PLCH1: variants seen among roughly 807,000 people sequenced by gnomAD.
PLCH1 encodes the protein phospholipase C eta 1, also known as 1-phosphatidylinositol 4,5-bisphosphate phosphodiesterase eta-1.
Under a neutral mutation model 126.7 loss-of-function variants are expected in PLCH1, and 60 were observed. That is an observed-to-expected ratio of 0.47 (90% CI 0.38 to 0.59). The LOEUF is 0.59. PLCH1 is among the 20% of genes least tolerant of loss of function. The pLI is 0.00. For synonymous variants in PLCH1, 719 were observed against 734.9 expected, an observed-to-expected ratio of 0.98 and a Z score of 0.35; for missense variants, 1,723 against 2,040.0, an observed-to-expected ratio of 0.84 and a Z score of 2.99.
At chr3:155,649,547 C>T (rs144764116) in intron 2 of PLCH1, among the ~76,000 whole-genome samples, 1,659 of 152,228 alleles carry the variant, frequency 0.011, 24 homozygotes, top group African/African-American at 0.037. Context: ...TCTTGTATTT[C>T]TAGTCATTTC....
At chr3:155,690,804 C>T (rs137894260) in intron 2 of PLCH1, among the ~76,000 whole-genome samples, 7 of 152,292 alleles carry the variant, frequency 4.6e-5, no homozygotes, top group South Asian at 2.1e-4. Context: ...TACCCAAGCC[C>T]GGTGGTCTCC....
chr3:155,500,856 A>G (rs574981401), intron 13 of PLCH1, 62 bp from the exon 14 acceptor site: 1 of 1,092,690 alleles, frequency 9.2e-7, no homozygotes, highest in Admixed American at 1.7e-5. Context: ...TACAACATGC[A>G]GAGAATGAGC....
chr3:155,483,403 A>G, intron 22 of PLCH1: 1 of 1,522,196 alleles, frequency 6.6e-7, no homozygotes, highest in Non-Finnish European at 8.9e-7. Flanking sequence ...CAATAGAAAC[A>G]GAACAAGACA....
At chr3:155,557,028 A>G (rs1469130205) in intron 8 of PLCH1, among the ~76,000 whole-genome samples, 1 of 152,240 alleles carries the variant, frequency 6.6e-6, no homozygotes, top group Non-Finnish European at 1.5e-5. Context: ...AGTTGATACC[A>G]CAGGAATGCT....
At position 155,494,245 on chromosome 3, in the gene PLCH1, G is replaced by C. The variant is rs1390215047; in HGVS notation, c.2078C>G (p.Ala693Gly). The C allele has an allele frequency of 6.2e-7, 1 of 1,613,342 alleles. No individual in the cohort carries two copies. The highest frequency in any genetic ancestry group is 1.1e-5 in the South Asian group (1 of 91,058). The change falls in exon 17 of 23, where the codon GCA becomes GGA. Residue 693 changes from alanine to glycine, a missense_variant. This residue lies in a region of PLCH1 where 776 missense variants were observed against 1,062.9 expected (regional missense o/e 0.73). Transcript: ENST00000460012. ...PYWNAGCQLV[A>G]LNYQSEGRMM... ...TCGTCCTTCAGATTGATAATTCAGT[G>C]CCACTGTGCAAGTTGAAAGTGGGAG...
At position 155,481,314 on chromosome 3, in the gene PLCH1, G is replaced by A. The variant is rs1346016473; in HGVS notation, c.4712C>T (p.Ser1571Leu). 1.2e-6 allele frequency: 2 copies of A among 1,614,226 alleles called. No homozygotes were observed. The highest frequency in any genetic ancestry group is 2.2e-5 in the East Asian group (1 of 44,892). Residue 1571 changes from serine to leucine, a missense_variant, in exon 23 of 23, where the codon TCA becomes TTA. By Grantham distance (145) the Ser-to-Leu change is moderately radical (BLOSUM62 -2). Coordinates refer to ENST00000460012, the MANE Select transcript of PLCH1 (RefSeq NM_014996.4). The surrounding 1 kb of genome is among the most constrained non-coding windows in gnomAD (Gnocchi z 4.2). ...GCGCACTCTGCTCTGACTTCTGGAT[G>A]ACAACTTCCTGACCAGTGCCCGGGG... is the stretch of plus-strand genomic sequence containing the variant. ...QLPRALVRKL[S>L]SRSQSRVRNI...
intron 1 of PLCH1, among the ~76,000 whole-genome samples, chr3:155,726,878 C>CTTTTTTTTTTT (rs201977097): frequency 7.5e-6 from 1 of 133,126 alleles, no homozygotes; most frequent in Non-Finnish European, 1.6e-5. Flanking sequence ...TTTCTTTTTT[C>CTTTTTTTTTTT]TTTTTTTTTT....
chr3:155,534,955 A>G (rs1317518736), intron 10 of PLCH1, among the ~76,000 whole-genome samples: 1 of 152,232 alleles, frequency 6.6e-6, no homozygotes, highest in Non-Finnish European at 1.5e-5. Context: ...CTGTGAGTCA[A>G]TTAAACCTCT....
chr3:155,494,575 G>A (rs973756534), intron 15 of PLCH1, 58 bp from the exon 16 acceptor site: 16 of 1,327,394 alleles, frequency 1.2e-5, no homozygotes, highest in African/African-American at 5.8e-5. Flanking sequence ...AAAACACCAC[G>A]CACAGAAGAC....
Position 155,566,218 on chromosome 3 carries a change from CGT to C in PLCH1, c.866-1102_866-1101del, listed in dbSNP as rs1355075640. 4.7e-5 allele frequency among the ~76,000 whole-genome samples: 4 copies of C among 85,622 alleles called. 1 individual carries two copies. Among genetic ancestry groups the C allele is most frequent in the East Asian group, 2.5e-4 (1 of 3,956 alleles). 56.2% of individuals were successfully genotyped at this position (85,622 alleles called of 152,430 possible). On this transcript the variant is annotated intron_variant, in intron 7 of 22. Coordinates refer to ENST00000460012, the MANE Select transcript of PLCH1 (RefSeq NM_014996.4). ...ACACATACATATATACACATATATA[CGT>C]ATATATACACATATATATACATATA...
At chr3:155,587,413 A>G (rs1731521078) in intron 4 of PLCH1, among the ~76,000 whole-genome samples, 1 of 152,204 alleles carries the variant, frequency 6.6e-6, no homozygotes, top group Non-Finnish European at 1.5e-5. Context: ...AAATGAGAGG[A>G]GAGAGAGAAA....
Position 155,458,542 on chromosome 3 carries a change from AAAAG to A in PLCH1, c.2938+26810_2938+26813del, listed in dbSNP as rs1398525800. Among the ~76,000 whole-genome samples the A allele has an allele frequency of 9.9e-5, 14 of 141,488 alleles. 1 individual carries two copies. Among genetic ancestry groups the A allele is most frequent in the African/African-American group, 3.5e-4 (12 of 33,940 alleles). 92.8% of individuals were successfully genotyped at this position (141,488 alleles called of 152,430 possible). ...TAAGAAAGAGAAAGAAAGAAAAAGA[AAAAG>A]AAAGAAAGAGAAAAAGAAAGAAAGA... On this transcript the variant is annotated intron_variant, in intron 21 of 21. Transcript: ENST00000494598.
At chr3:155,741,990 T>A (rs929205961) in intron 1 of PLCH1, among the ~76,000 whole-genome samples, 4 of 152,204 alleles carry the variant, frequency 2.6e-5, no homozygotes, top group South Asian at 2.1e-4. Flanking sequence ...CAGCCTTATC[T>A]AAATTACTCA....
Position 155,562,864 on chromosome 3 carries a change from C to G in PLCH1, c.1069+2051G>C, listed in dbSNP as rs138078952. ...CCACTTCCAAGTCTCAAAGTTGCCC[C>G]CCAGCCTATATCATCAAACATTTGG... On this transcript the variant is annotated intron_variant, in intron 8 of 22. Coordinates refer to ENST00000460012, the MANE Select transcript of PLCH1 (RefSeq NM_014996.4). 5.1e-3 allele frequency among the ~76,000 whole-genome samples: 773 copies of G among 152,140 alleles called. 9 individuals carry two copies. The highest frequency in any genetic ancestry group is 0.018 in the African/African-American group (738 of 41,508).
rs930241348 is a variant in PLCH1, at chr3:155,549,378, G to T, written c.1362+409C>A. Among the ~76,000 whole-genome samples the T allele has an allele frequency of 8.6e-5, 13 of 151,850 alleles. No individual in the cohort carries two copies. The South Asian group carries it at 1.2e-3, about 15-fold the overall frequency. On this transcript the variant is annotated intron_variant, in intron 10 of 22. Transcript: ENST00000460012. ...ACCATGAAGCTTTTTGTTTTTTTTGGTTTTTTTGACAGACAGTTATTGGAG... is the reference window on the plus strand; with the variant it reads ...ACCATGAAGCTTTTTGTTTTTTTTGTTTTTTTTGACAGACAGTTATTGGAG...
At chr3:155,528,621 A>G (rs755205541) in intron 10 of PLCH1, among the ~76,000 whole-genome samples, 5 of 152,218 alleles carry the variant, frequency 3.3e-5, no homozygotes, top group Admixed American at 2.6e-4. Context: ...AAACCAACAT[A>G]TGTTTTTAAA....
rs200928182 is a variant in PLCH1 at position 155,736,871 on chromosome 3, CTTTGTT to C, written c.-41+7963_-41+7968del. On this transcript the variant is annotated intron_variant, in intron 1 of 22. Transcript: ENST00000460012. ...AAACCCATATATTCTCTTTTTCTTT[CTTTGTT>C]TTTATTTTTTCTTTCATTTTATGTA... Among the ~76,000 whole-genome samples the C allele has an allele frequency of 5.0e-3, 749 of 150,536 alleles. 6 individuals are homozygous for C. Among genetic ancestry groups the C allele is most frequent in the African/African-American group, 0.017 (710 of 41,148 alleles).
intron 2 of PLCH1, among the ~76,000 whole-genome samples, chr3:155,644,044 A>C (rs907587187): frequency 6.6e-6 from 1 of 152,152 alleles, no homozygotes; most frequent in African/African-American, 2.4e-5. Context: ...CTGTGGCTGG[A>C]TCACACACTG....
intron 10 of PLCH1, among the ~76,000 whole-genome samples, chr3:155,537,126 A>G (rs138361384): frequency 2.4e-4 from 37 of 151,300 alleles, no homozygotes; most frequent in African/African-American, 8.0e-4. Context: ...GCAATAATCC[A>G]ATTTCAGATC....
Sources: gnomAD v4.1 joint callset for allele counts (sites outside exome capture counted in the v4.1 genomes callset) on GRCh38, gnomAD v4.1.1 for gene constraint, gnomAD v4.1.1 regional missense constraint, Gnocchi (gnomAD v3.1) non-coding constraint, MANE v1.5 for transcripts, NCBI Gene and HGNC (gene_info 2026-07-23, HGNC 2026-07-21) for gene names.